Variants in TMEM40 observed in about 807,000 individuals in gnomAD.
TMEM40 encodes the protein transmembrane protein 40.
TMEM40 carries 34 observed loss-of-function variants against 40.8 expected under a neutral mutation model. That is an observed-to-expected ratio of 0.83 (90% CI 0.63 to 1.11). The LOEUF (loss-of-function observed/expected upper bound fraction) is 1.11, where lower values mean the gene tolerates loss of function less well. TMEM40 is among the 50% of genes least tolerant of loss of function. TMEM40 has a pLI of 0.00. For missense variants in TMEM40, 296 were observed against 280.2 expected, an observed-to-expected ratio of 1.06 and a Z score of -0.40; for synonymous variants, 106 against 107.0, an observed-to-expected ratio of 0.99 and a Z score of 0.06.
At chr3:12,753,211 C>CTTTTTTTTTTTT (rs56739791) in intron 1 of TMEM40, among the ~76,000 whole-genome samples, 88 of 76,298 alleles carry the variant, frequency 1.2e-3, no homozygotes, top group East Asian at 2.7e-3. Context: ...TTCTTTCTTT[C>CTTTTTTTTTTTT]TTTTTTTTTT....
chr3:12,756,070 A>C (rs1252001213), intron 1 of TMEM40, among the ~76,000 whole-genome samples: 1 of 152,238 alleles, frequency 6.6e-6, no homozygotes, highest in Non-Finnish European at 1.5e-5. Flanking sequence ...AGTCCGACAC[A>C]TGAAACAACT....
intron 5 of TMEM40, chr3:12,738,801 CT>C: frequency 1.8e-6 from 1 of 545,014 alleles, no homozygotes; most frequent in South Asian, 2.2e-5. Context: ...CGCCTACCCA[CT>C]CTTACAGGTC....
chr3:12,738,776 A>T, intron 5 of TMEM40, 188 bp from the exon 6 acceptor site: 1 of 598,480 alleles, frequency 1.7e-6, no homozygotes, highest in Non-Finnish European at 3.0e-6. Flanking sequence ...CAGCCACAGA[A>T]AGCTGCTGTA....
At chr3:12,761,251 C>CAGGCATCCTGAGAGGGATGGGG (rs2061566764), upstream of TMEM40, among the ~76,000 whole-genome samples, 1 of 152,168 alleles carries the variant, frequency 6.6e-6, no homozygotes, top group Non-Finnish European at 1.5e-5. Flanking sequence ...CCTCAGCAGC[C>CAGGCATCCTGAGAGGGATGGGG]AGGCATCCTG....
chr3:12,763,159 C>CA (rs536186442), upstream of TMEM40, among the ~76,000 whole-genome samples: 2,933 of 53,584 alleles, frequency 0.055, 67 homozygotes, highest in Non-Finnish European at 0.073. Flanking sequence ...GACTCTGTCT[C>CA]AAAAAAAAAA....
rs1170739086 is a variant in TMEM40, at chr3:12,735,732, GGCA to G, written c.620-118_620-116del. 3.8e-5 allele frequency: 31 copies of G among 815,720 alleles called. No individual in the cohort carries two copies. In the South Asian group the frequency reaches 4.2e-4, roughly 11 times the overall value. 50.5% of individuals were successfully genotyped at this position (815,720 alleles called of 1,614,324 possible). On this transcript the variant is annotated intron_variant, in intron 10 of 11. Coordinates refer to ENST00000314124, the MANE Select transcript of TMEM40 (RefSeq NM_018306.4). Reference sequence around the variant, plus strand: ...ACAAAGCTCTGATGGTGGAACTTCAGGCAGCAGGTTAAGCTTAGATAATGGTAC... The same window carrying G: ...ACAAAGCTCTGATGGTGGAACTTCAGGCAGGTTAAGCTTAGATAATGGTAC...
At chr3:12,768,077 G>A (rs190784175) in intron 1 of TMEM40, among the ~76,000 whole-genome samples, 154 of 152,270 alleles carry the variant, frequency 1.0e-3, no homozygotes, top group Middle Eastern at 3.4e-3. Flanking sequence ...TAAAGGCGGC[G>A]TGTTCGGAGT....
chr3:12,755,671 A>G (rs1026270689), intron 1 of TMEM40, among the ~76,000 whole-genome samples: 6 of 152,184 alleles, frequency 3.9e-5, no homozygotes, highest in Non-Finnish European at 5.9e-5. Flanking sequence ...AATAGTATAT[A>G]GTTTAGCCCT....
At chr3:12,740,646 C>A (rs2061374989) in intron 5 of TMEM40, among the ~76,000 whole-genome samples, 1 of 151,614 alleles carries the variant, frequency 6.6e-6, no homozygotes, top group Non-Finnish European at 1.5e-5. Context: ...TCACTTGAGT[C>A]CAGGAGTTCA....
chr3:12,757,668 G>GAA (rs1325197502), intron 1 of TMEM40, among the ~76,000 whole-genome samples: 1 of 152,204 alleles, frequency 6.6e-6, no homozygotes, highest in African/African-American at 2.4e-5. Context: ...GGTCACTTTG[G>GAA]AAAACAGTTT....
intron 1 of TMEM40, among the ~76,000 whole-genome samples, chr3:12,752,594 C>T (rs2061487016): frequency 6.6e-6 from 1 of 151,922 alleles, no homozygotes; most frequent in South Asian, 2.1e-4. Flanking sequence ...GTCAGGAGAT[C>T]GAGACCATCC....
At chr3:12,765,719 G>C (rs371952802) in intron 1 of TMEM40, among the ~76,000 whole-genome samples, 1 of 151,846 alleles carries the variant, frequency 6.6e-6, no homozygotes. Flanking sequence ...ACAGGCGCCT[G>C]CCACCACGCC....
upstream of TMEM40, among the ~76,000 whole-genome samples, chr3:12,763,064 G>A (rs1164166909): frequency 1.4e-5 from 2 of 147,162 alleles, no homozygotes; most frequent in Non-Finnish European, 2.9e-5. Flanking sequence ...GGAGGCTGAG[G>A]AAGGAGAATG....
At chr3:12,747,971 A>C (rs2106614933) in intron 3 of TMEM40, among the ~76,000 whole-genome samples, 1 of 151,986 alleles carries the variant, frequency 6.6e-6, no homozygotes, top group African/African-American at 2.4e-5. Flanking sequence ...AAACCCACTA[A>C]AGTACTTGCA....
At chr3:12,761,802 C>T (rs1396496963), upstream of TMEM40, among the ~76,000 whole-genome samples, 1 of 151,904 alleles carries the variant, frequency 6.6e-6, no homozygotes, top group Non-Finnish European at 1.5e-5. Flanking sequence ...TTATGGAGCC[C>T]TTGACACATG....
rs756544449 is a variant in TMEM40 at position 12,748,654 on chromosome 3, C to A, written c.211+1G>T. On this transcript the variant is annotated splice_donor_variant, in intron 3 of 11. Coordinates refer to ENST00000314124, the MANE Select transcript of TMEM40 (RefSeq NM_018306.4). LOFTEE classifies it high-confidence loss of function. ...TACATATATTTAAATCTCTGCTATACCTGAGGAGGAGGAGGATGAAGAAGA... is the reference window on the plus strand; with the variant it reads ...TACATATATTTAAATCTCTGCTATAACTGAGGAGGAGGAGGATGAAGAAGA... 5 of 1,610,378 alleles carry A rather than the reference C, an allele frequency of 3.1e-6. No individual in the cohort carries two copies. The highest frequency in any genetic ancestry group is 4.2e-6 in the Non-Finnish European group (5 of 1,178,304).
intron 1 of TMEM40, among the ~76,000 whole-genome samples, chr3:12,768,504 C>G (rs2061604742): frequency 6.6e-6 from 1 of 152,116 alleles, no homozygotes; most frequent in Admixed American, 6.5e-5. Context: ...GGTGTATTCA[C>G]AATCCCTTAG....
chr3:12,737,879 G>T, intron 7 of TMEM40, 125 bp from the exon 8 acceptor site: 1 of 1,041,042 alleles, frequency 9.6e-7, no homozygotes, highest in Non-Finnish European at 1.5e-6. Context: ...GGCACTCACT[G>T]CAGGACCAGT....
rs1245647594 is a variant in TMEM40, at chr3:12,736,588, G to A, written c.609C>T (p.Tyr203=). The A allele has an allele frequency of 6.4e-7, 1 of 1,556,662 alleles. No individual in the cohort carries two copies. The highest frequency in any genetic ancestry group is 8.7e-7 in the Non-Finnish European group (1 of 1,149,736). ...GGGGGAGGGGCTTACCTAGTCCGAA[G>A]TAGATGCCAACGGTTTCCAGGGAGG... The part of the protein sequence containing the change: ...TFASLETVGI[Y]FGLVYRIHSV... Residue 203 remains tyrosine (Y), a synonymous_variant, in exon 10 of 12, where the codon TAC becomes TAT. Coordinates refer to ENST00000314124, the MANE Select transcript of TMEM40 (RefSeq NM_018306.4).
Sources: gnomAD v4.1 joint callset for allele counts (sites outside exome capture counted in the v4.1 genomes callset) on GRCh38, gnomAD v4.1.1 for gene constraint, MANE v1.5 for transcripts, NCBI Gene and HGNC (gene_info 2026-07-23, HGNC 2026-07-21) for gene names.